The following ERBB4 variants were observed in gnomAD, a reference collection of about 807,000 sequenced individuals.
The protein encoded by ERBB4 is receptor tyrosine-protein kinase erbB-4.
Under a neutral mutation model 158.0 loss-of-function variants are expected in ERBB4, and 42 were observed. The observed-to-expected ratio is 0.27, with a 90% CI of 0.21 to 0.34. ERBB4 has a LOEUF of 0.34. ERBB4 is among the 10% of genes least tolerant of loss of function. The probability of loss-of-function intolerance (pLI) is 1.00; values close to 1 mark genes in which losing one functional copy is unlikely to be tolerated. For missense variants in ERBB4, 1,333 were observed against 1,624.1 expected (o/e 0.82, Z 3.08); for synonymous variants, 583 against 558.7 (o/e 1.04, Z -0.61).
intron 25 of ERBB4, among the ~76,000 whole-genome samples, chr2:211,400,904 C>A (rs1162098058): frequency 6.6e-6 from 1 of 151,820 alleles, no homozygotes; most frequent in Admixed American, 6.6e-5. Context: ...AAAATATATA[C>A]CTACTATGTA....
chr2:212,461,329 C>G (rs1185408054), intron 1 of ERBB4, among the ~76,000 whole-genome samples: 1 of 152,110 alleles, frequency 6.6e-6, no homozygotes, highest in Non-Finnish European at 1.5e-5. Flanking sequence ...ACAGAGCTGC[C>G]CAAGACCATG....
intron 1 of ERBB4, among the ~76,000 whole-genome samples, chr2:212,197,884 AG>A (rs2082477170): frequency 6.6e-6 from 1 of 152,188 alleles, no homozygotes; most frequent in Non-Finnish European, 1.5e-5. Context: ...GAGCATTTTC[AG>A]TCAAGTGGAG....
chr2:212,309,757 A>ATT (rs75634007), intron 1 of ERBB4, among the ~76,000 whole-genome samples: 4 of 149,152 alleles, frequency 2.7e-5, no homozygotes, highest in African/African-American at 9.8e-5. Flanking sequence ...CTTTGAGGGT[A>ATT]TTTTTTTTTT....
intron 2 of ERBB4, among the ~76,000 whole-genome samples, chr2:212,073,419 A>G (rs983902340): frequency 6.6e-6 from 1 of 151,980 alleles, no homozygotes; most frequent in African/African-American, 2.4e-5. Flanking sequence ...TTAATTGTAT[A>G]TTTAATAAGG....
At position 212,491,272 on chromosome 2, in the gene ERBB4, A is replaced by T. The variant is rs532079653; in HGVS notation, c.82+47177T>A. Among the ~76,000 whole-genome samples, 81 of 151,792 alleles carry T rather than the reference A, an allele frequency of 5.3e-4. 1 individual carries two copies. Among genetic ancestry groups the T allele is most frequent in the Middle Eastern group, 3.4e-3 (1 of 294 alleles). On this transcript the variant is annotated intron_variant, in intron 1 of 27. Coordinates refer to ENST00000342788, the MANE Select transcript of ERBB4 (RefSeq NM_005235.3). ...AGAACCTATTATGTATAAACTTTTT[A>T]AAAAAGCAATAATAAGAATTCATTT...
At chr2:211,756,137 A>T (rs1290735630) in intron 4 of ERBB4, among the ~76,000 whole-genome samples, 1 of 152,178 alleles carries the variant, frequency 6.6e-6, no homozygotes. Flanking sequence ...TAAAAAGACG[A>T]ATGTCACTAC....
intron 4 of ERBB4, among the ~76,000 whole-genome samples, chr2:211,753,648 T>C (rs954724108): frequency 2.6e-5 from 4 of 151,800 alleles, no homozygotes; most frequent in Admixed American, 2.6e-4. Context: ...CCTTAAACGA[T>C]GACACGTCCA....
At chr2:211,662,285 C>T (rs1356446210) in intron 15 of ERBB4, among the ~76,000 whole-genome samples, 1 of 151,908 alleles carries the variant, frequency 6.6e-6, no homozygotes, top group East Asian at 1.9e-4. Context: ...GGAAAAAAAT[C>T]ATCCTTGCCC....
At chr2:212,248,498 C>A (rs2084395679) in intron 1 of ERBB4, among the ~76,000 whole-genome samples, 1 of 152,078 alleles carries the variant, frequency 6.6e-6, no homozygotes, top group Admixed American at 6.6e-5. Context: ...AATGGCCATG[C>A]TGTATATGAT....
intron 2 of ERBB4, among the ~76,000 whole-genome samples, chr2:212,041,512 A>G (rs562332471): frequency 6.6e-6 from 1 of 152,172 alleles, no homozygotes; most frequent in African/African-American, 2.4e-5. Flanking sequence ...TAAAGTTTTT[A>G]GCTCATTTAA....
intron 14 of ERBB4, among the ~76,000 whole-genome samples, chr2:211,669,279 GA>G (rs200685399): frequency 0.028 from 3,928 of 139,200 alleles, 177 homozygotes; most frequent in African/African-American, 0.095. Flanking sequence ...TACTTTACAT[GA>G]AAAAAAAAGA....
chr2:211,497,990 T>C (rs2065515496), intron 20 of ERBB4, among the ~76,000 whole-genome samples: 1 of 152,150 alleles, frequency 6.6e-6, no homozygotes, highest in East Asian at 1.9e-4. Context: ...TGCAAGGTTC[T>C]GCCAATAGTT....
chr2:212,373,356 G>C (rs573856450), intron 1 of ERBB4, among the ~76,000 whole-genome samples: 15 of 152,086 alleles, frequency 9.9e-5, no homozygotes, highest in Admixed American at 6.6e-4. Flanking sequence ...AACACCTCTT[G>C]TTAAATTATT....
At chr2:211,571,376 T>A (rs1344773306) in intron 19 of ERBB4, among the ~76,000 whole-genome samples, 1 of 152,204 alleles carries the variant, frequency 6.6e-6, no homozygotes, top group African/African-American at 2.4e-5. Flanking sequence ...TTGTGGTTTG[T>A]CATGATTTGA....
intron 1 of ERBB4, among the ~76,000 whole-genome samples, chr2:212,511,968 C>T (rs1391918680): frequency 1.3e-5 from 2 of 152,064 alleles, no homozygotes; most frequent in Non-Finnish European, 2.9e-5. Flanking sequence ...GTAGTGCTTC[C>T]CCTGTGTTTC....
At chr2:212,128,422 C>A (rs904699428) in intron 1 of ERBB4, among the ~76,000 whole-genome samples, 2 of 152,156 alleles carry the variant, frequency 1.3e-5, no homozygotes, top group Admixed American at 6.5e-5. Context: ...TTCATAAGTT[C>A]TTCCAGCCTG....
intron 2 of ERBB4, among the ~76,000 whole-genome samples, chr2:211,995,751 C>T (rs1022157862): frequency 1.3e-5 from 2 of 152,178 alleles, no homozygotes; most frequent in Non-Finnish European, 2.9e-5. Context: ...CCTTACACAC[C>T]CAGTTCCTTC....
chr2:211,788,721 A>G (rs1430188577), intron 3 of ERBB4, among the ~76,000 whole-genome samples: 1 of 152,138 alleles, frequency 6.6e-6, no homozygotes, highest in African/African-American at 2.4e-5. Context: ...ATCAATTGTC[A>G]TATTATCCTT....
chr2:212,117,407 A>G (rs1307530211), intron 2 of ERBB4, among the ~76,000 whole-genome samples: 4 of 152,186 alleles, frequency 2.6e-5, no homozygotes, highest in Non-Finnish European at 5.9e-5. Flanking sequence ...TAGGTATTTC[A>G]ATGTTGATCT....
Sources: gnomAD v4.1 joint callset for allele counts (sites outside exome capture counted in the v4.1 genomes callset) on GRCh38, gnomAD v4.1.1 for gene constraint, MANE v1.5 for transcripts, NCBI Gene and HGNC (gene_info 2026-07-23, HGNC 2026-07-21) for gene names.